The following MAMDC2 variants were observed in gnomAD, a reference collection of about 807,000 sequenced individuals.
The protein encoded by MAMDC2 is MAM domain containing 2, also known as MAM domain-containing protein 2.
Under a neutral mutation model 89.8 loss-of-function variants are expected in MAMDC2, and 57 were observed. That is an observed-to-expected ratio of 0.63 (90% CI 0.51 to 0.79). MAMDC2 has a LOEUF of 0.79. MAMDC2 is among the 30% of genes least tolerant of loss of function. MAMDC2 has a pLI of 0.00. For missense variants in MAMDC2, 800 were observed against 820.6 expected (o/e 0.97, Z 0.31); for synonymous variants, 313 against 293.4 (o/e 1.07, Z -0.68).
intron 11 of MAMDC2, among the ~76,000 whole-genome samples, chr9:70,210,988 C>T (rs995706360): frequency 5.9e-5 from 9 of 152,156 alleles, no homozygotes; most frequent in African/African-American, 2.2e-4. Context: ...AGAGTTTCTG[C>T]CAAGAGATCA....
intron 11 of MAMDC2, among the ~76,000 whole-genome samples, chr9:70,199,266 G>T (rs896062005): frequency 8.6e-6 from 1 of 116,578 alleles, no homozygotes. Context: ...TGATCTCATT[G>T]TTCCATTCCC....
At chr9:70,143,895 T>A in intron 9 of MAMDC2, 76 bp downstream of exon 9, 1 of 1,523,244 alleles carries the variant, frequency 6.6e-7, no homozygotes, top group Non-Finnish European at 9.0e-7. Context: ...CTAGCTACTG[T>A]CAACTGGTGA....
intron 11 of MAMDC2, among the ~76,000 whole-genome samples, chr9:70,172,338 T>G (rs912483747): frequency 2.0e-5 from 3 of 152,238 alleles, no homozygotes; most frequent in African/African-American, 4.8e-5. Flanking sequence ...GACTTTTTAA[T>G]CAGGGAAGGT....
chr9:70,100,791 C>T (rs1828168952), intron 2 of MAMDC2, among the ~76,000 whole-genome samples: 1 of 152,218 alleles, frequency 6.6e-6, no homozygotes, highest in East Asian at 1.9e-4. Flanking sequence ...GGCCTGTTCT[C>T]ATATCAGCAC....
rs1828551725 is a variant in MAMDC2 at position 70,113,051 on chromosome 9, G to A, written c.562G>A (p.Val188Met). 1 of 1,614,040 alleles carries A rather than the reference G, an allele frequency of 6.2e-7. No homozygotes were observed. The highest frequency in any genetic ancestry group is 1.3e-5 in the African/African-American group (1 of 74,940). The stretch of plus-strand genomic sequence containing the variant: ...CTTTGTGAACCGCTGGAATCCCAAT[G>A]TGAACTGGTTTGTTGGAGGAGGAAG... ...CGFVNRWNPN[V>M]NWFVGGGSIR... The change falls in exon 5 of 14, where the codon GTG becomes ATG. Residue 188 changes from valine (V) to methionine (M), a missense_variant. Physicochemically the swap from Val to Met is conservative, Grantham distance 21. Transcript: ENST00000377182.
intron 2 of MAMDC2, among the ~76,000 whole-genome samples, chr9:70,046,094 G>A (rs1162942788): frequency 1.3e-5 from 2 of 152,160 alleles, no homozygotes; most frequent in Non-Finnish European, 2.9e-5. Context: ...TGGCTTTGGA[G>A]AGCACACTCC....
chr9:70,131,968 C>G (rs60977731), intron 7 of MAMDC2, among the ~76,000 whole-genome samples: 1 of 152,236 alleles, frequency 6.6e-6, no homozygotes, highest in Non-Finnish European at 1.5e-5. Context: ...ATGGACAAAG[C>G]TCTCACAATC....
intron 11 of MAMDC2, among the ~76,000 whole-genome samples, chr9:70,213,830 C>A (rs1273573935): frequency 2.6e-5 from 4 of 152,168 alleles, no homozygotes; most frequent in African/African-American, 9.7e-5. Flanking sequence ...TTTGATAAGA[C>A]TTTAATTTTA....
At chr9:70,045,968 G>T (rs1384155205) in intron 2 of MAMDC2, among the ~76,000 whole-genome samples, 1 of 152,092 alleles carries the variant, frequency 6.6e-6, no homozygotes, top group East Asian at 1.9e-4. Context: ...ATTATTCGAG[G>T]GATTCCTATC....
intron 2 of MAMDC2, among the ~76,000 whole-genome samples, chr9:70,045,774 C>T (rs929780147): frequency 5.9e-5 from 9 of 152,192 alleles, no homozygotes; most frequent in African/African-American, 1.9e-4. Flanking sequence ...GGAATCTCAG[C>T]CATAGAATAT....
At chr9:70,113,953 ATAC>A (rs2118283641) in intron 5 of MAMDC2, 1 of 152,246 alleles carries the variant, frequency 6.6e-6, no homozygotes, top group East Asian at 1.9e-4. Context: ...TTGAGGTAAT[ATAC>A]TCATCCTAAT....
intron 2 of MAMDC2, chr9:70,082,906 A>C (rs1827684808): frequency 6.6e-6 from 1 of 152,138 alleles, no homozygotes; most frequent in African/African-American, 2.4e-5. Context: ...GCCACCTGCA[A>C]GTCAGAACTT....
intron 11 of MAMDC2, among the ~76,000 whole-genome samples, chr9:70,191,047 A>G (rs1344581096): frequency 6.6e-6 from 1 of 152,166 alleles, no homozygotes; most frequent in East Asian, 1.9e-4. Context: ...GAATTAGGGC[A>G]AGAAAAAAGG....
intron 2 of MAMDC2, among the ~76,000 whole-genome samples, chr9:70,077,915 A>C (rs1409317293): frequency 6.6e-6 from 1 of 151,966 alleles, no homozygotes; most frequent in Non-Finnish European, 1.5e-5. Flanking sequence ...TGAAGTTACA[A>C]CACTGCACTG....
intron 12 of MAMDC2, among the ~76,000 whole-genome samples, chr9:70,224,774 T>C (rs184634606): frequency 9.2e-5 from 14 of 152,310 alleles, no homozygotes; most frequent in Non-Finnish European, 1.8e-4. Flanking sequence ...CTTAACCCAG[T>C]CAAGTTGACA....
intron 2 of MAMDC2, among the ~76,000 whole-genome samples, chr9:70,065,113 C>T (rs372250550): frequency 4.0e-4 from 61 of 152,118 alleles, no homozygotes; most frequent in African/African-American, 1.2e-3. Flanking sequence ...ACTAGAGAAA[C>T]GACTAACAGG....
chr9:70,178,809 C>T (rs1231741089), intron 11 of MAMDC2, among the ~76,000 whole-genome samples: 3 of 152,150 alleles, frequency 2.0e-5, no homozygotes, highest in African/African-American at 7.2e-5. Flanking sequence ...ACACAGCTAG[C>T]TCTCCTTGTG....
intron 11 of MAMDC2, chr9:70,171,925 A>G (rs2032362407): frequency 6.6e-6 from 1 of 152,206 alleles, no homozygotes; most frequent in Non-Finnish European, 1.5e-5. Flanking sequence ...GCCACATGCA[A>G]CCTGTGGGCT....
chr9:70,170,634 G>A lies in MAMDC2; in HGVS notation c.1651+3G>A. On this transcript the variant is annotated splice_donor_region_variant and intron_variant, in intron 11 of 13. Transcript: ENST00000377182. ...GGGAGATCACACTACTGGGGTAGGT[G>A]AGTTATGCCACGTGGTGCTGTTTCC... The A allele has an allele frequency of 1.3e-6, 2 of 1,587,792 alleles. No individual in the cohort carries two copies. Among genetic ancestry groups the A allele is most frequent in the African/African-American group, 1.4e-5 (1 of 73,638 alleles).
Sources: allele counts gnomAD v4.1 joint callset (sites outside exome capture counted in the v4.1 genomes callset), GRCh38; gene constraint gnomAD v4.1.1; transcripts MANE v1.5; gene names NCBI Gene and HGNC (gene_info 2026-07-23, HGNC 2026-07-21).